The following DOCK5 variants were observed in gnomAD, a reference collection of about 807,000 sequenced individuals.
DOCK5 encodes the protein dedicator of cytokinesis protein 5.
Under a neutral mutation model 251.8 loss-of-function variants are expected in DOCK5, and 142 were observed. The observed-to-expected ratio is 0.56, with a 90% CI of 0.49 to 0.65. DOCK5 has a LOEUF of 0.65. Among genes scored for constraint, DOCK5 ranks in the 30% least tolerant of loss-of-function variants. DOCK5 has a pLI of 0.00. For missense variants in DOCK5, 2,111 were observed against 2,312.3 expected (o/e 0.91, Z 1.79); for synonymous variants, 842 against 835.5 (o/e 1.01, Z -0.13).
chr8:25,411,363 C>A lies in DOCK5; in HGVS notation c.*65C>A. The A allele has an allele frequency of 7.3e-7, 1 of 1,366,426 alleles. No homozygotes were observed. The highest frequency in any genetic ancestry group is 1.9e-5 in the South Asian group (1 of 53,232). The allele number at this position is 1,366,426 out of a possible 1,614,324, so 84.6% of individuals were successfully genotyped here. A position where few individuals can be genotyped will look rare whatever the true frequency, so the allele number is the denominator to read the frequency against. ...CTGCTGCCTGAGAACTGGCCTCCAG[C>A]CGGTGTCCTCATTCCATGGGGCTCC... On this transcript the variant is annotated 3_prime_UTR_variant, in exon 52 of 52. Coordinates refer to ENST00000276440, the MANE Select transcript of DOCK5 (RefSeq NM_024940.8).
rs755511798 is a variant in DOCK5 at position 25,190,775 on chromosome 8, G to GATTTTTTTTTTTTTTTTTTTT, written c.43+5824_43+5825insATTTTTTTTTTTTTTTTTTTT. 3.7e-5 allele frequency among the ~76,000 whole-genome samples: 2 copies of GATTTTTTTTTTTTTTTTTTTT among 53,980 alleles called. 1 individual carries two copies. The highest frequency in any genetic ancestry group is 1.3e-4 in the African/African-American group (2 of 14,866). 35.4% of individuals were successfully genotyped at this position (53,980 alleles called of 152,430 possible). A position where few individuals can be genotyped will look rare whatever the true frequency, so the allele number is the denominator to read the frequency against. ...AAGGCCTGGCCTTAACTTGGTCATG[G>GATTTTTTTTTTTTTTTTTTTT]GTTTTTTTTTTTTTTTTTTTTTTTT... On this transcript the variant is annotated intron_variant, in intron 1 of 51. Transcript: ENST00000276440.
At chr8:25,334,271 C>A in intron 21 of DOCK5, 75 bp downstream of exon 21, 1 of 1,175,810 alleles carries the variant, frequency 8.5e-7, no homozygotes, top group Non-Finnish European at 1.3e-6. Flanking sequence ...TGTTGAGAAA[C>A]GAGACGGACC....
chr8:25,265,789 G>C (rs1252545841), intron 2 of DOCK5, among the ~76,000 whole-genome samples: 1 of 151,888 alleles, frequency 6.6e-6, no homozygotes, highest in Non-Finnish European at 1.5e-5. Flanking sequence ...AGAGACATTT[G>C]GATAGGTGAA....
In DOCK5 at chr8:25,247,950, A is replaced by ACATTTTTGCTGCGTC. The variant is rs563337122; in HGVS notation, c.127+4194_127+4208dup. On this transcript the variant is annotated intron_variant, in intron 2 of 51. Coordinates refer to ENST00000276440, the MANE Select transcript of DOCK5 (RefSeq NM_024940.8). ...ACCGCTCTTCTTAACTGCTACCATA[A>ACATTTTTGCTGCGTC]CATTTTTGCTGCGTCAGCCGTAGAA... is the stretch of plus-strand genomic sequence containing the variant. Among the ~76,000 whole-genome samples, 339 of 152,208 alleles carry ACATTTTTGCTGCGTC rather than the reference A, an allele frequency of 2.2e-3. 1 individual carries two copies. The highest frequency in any genetic ancestry group is 6.8e-3 in the Middle Eastern group (2 of 294).
At chr8:25,335,426 A>G (rs541842455) in intron 21 of DOCK5, among the ~76,000 whole-genome samples, 3 of 152,102 alleles carry the variant, frequency 2.0e-5, no homozygotes, top group African/African-American at 7.2e-5. Context: ...CGAGTGCTTG[A>G]ACCCAGGAGG....
chr8:25,247,968 C>T (rs1038548389), intron 2 of DOCK5, among the ~76,000 whole-genome samples: 5 of 151,804 alleles, frequency 3.3e-5, no homozygotes, highest in Non-Finnish European at 7.4e-5. Flanking sequence ...GCTGCGTCAG[C>T]CGTAGAACTT....
intron 22 of DOCK5, 70 bp downstream of exon 22, chr8:25,336,443 C>T: frequency 6.4e-7 from 1 of 1,570,846 alleles, no homozygotes. Flanking sequence ...CCTCACTCTG[C>T]ACAGTGGTGT....
chr8:25,231,898 A>G (rs892356226), intron 1 of DOCK5, among the ~76,000 whole-genome samples: 2 of 152,140 alleles, frequency 1.3e-5, no homozygotes, highest in Admixed American at 6.6e-5. Context: ...TGTCTTTTCT[A>G]TATCTATTAA....
chr8:25,197,697 C>T lies in DOCK5; in HGVS notation c.43+12746C>T, dbSNP rs1347529366. On this transcript the variant is annotated intron_variant, in intron 1 of 51. Transcript: ENST00000276440. The stretch of plus-strand genomic sequence containing the variant: ...CTCCTGGGTTCAAGAGATTCTCCTG[C>T]CTCAGCCACCCAAGTAGCTGGGACT... 4.7e-5 allele frequency among the ~76,000 whole-genome samples: 7 copies of T among 149,914 alleles called. No homozygotes were observed. The Admixed American group carries it at 4.7e-4, about 10-fold the overall frequency.
chr8:25,288,670 C>A (rs1480704736), intron 5 of DOCK5, among the ~76,000 whole-genome samples: 2 of 152,090 alleles, frequency 1.3e-5, no homozygotes, highest in African/African-American at 2.4e-5. Flanking sequence ...AAATGCGTTG[C>A]AAGAAAGAAA....
intron 14 of DOCK5, among the ~76,000 whole-genome samples, chr8:25,318,476 C>T (rs942097837): frequency 6.7e-6 from 1 of 148,980 alleles, no homozygotes; most frequent in Non-Finnish European, 1.5e-5. Context: ...TCTCTCCTCT[C>T]CACTCCCCTC....
chr8:25,186,991 G>A (rs73556366), intron 1 of DOCK5, among the ~76,000 whole-genome samples: 13,709 of 151,672 alleles, frequency 0.09, 1,030 homozygotes, highest in African/African-American at 0.19. Flanking sequence ...CTTGAGCCCA[G>A]GAGTTCAAAA....
intron 27 of DOCK5, among the ~76,000 whole-genome samples, chr8:25,355,559 C>T (rs1800552518): frequency 6.6e-6 from 1 of 152,192 alleles, no homozygotes; most frequent in South Asian, 2.1e-4. Flanking sequence ...AAGTGATTGT[C>T]CTACCTCAGC....
intron 40 of DOCK5, among the ~76,000 whole-genome samples, chr8:25,387,497 T>C (rs1207676944): frequency 6.6e-6 from 1 of 152,204 alleles, no homozygotes; most frequent in Non-Finnish European, 1.5e-5. Flanking sequence ...TGTCTCTCCT[T>C]CTGTTACTTT....
At chr8:25,378,295 T>A (rs1174675456) in intron 38 of DOCK5, among the ~76,000 whole-genome samples, 1 of 152,154 alleles carries the variant, frequency 6.6e-6, no homozygotes, top group East Asian at 1.9e-4. Context: ...AAGACACTCT[T>A]ATTATTTGAG....
Position 25,243,644 on chromosome 8 carries a change from T to A in DOCK5, c.44-30T>A, listed in dbSNP as rs1803016740. On this transcript the variant is annotated intron_variant, in intron 1 of 51. Coordinates refer to ENST00000276440, the MANE Select transcript of DOCK5 (RefSeq NM_024940.8). ...GTGCCCAGCCAAGTGACATGCATTC[T>A]AATTTCCCTTTTTTATTTCTCATTT... 4 of 1,603,612 alleles carry A rather than the reference T, an allele frequency of 2.5e-6. No homozygotes were observed. In the East Asian group the frequency reaches 9.0e-5, roughly 36 times the overall value.
chr8:25,255,066 A>G (rs913974474), intron 2 of DOCK5, among the ~76,000 whole-genome samples: 3 of 152,220 alleles, frequency 2.0e-5, no homozygotes, highest in African/African-American at 7.2e-5. Context: ...AATGCTGCCA[A>G]GGATGTGGAG....
At chr8:25,241,747 C>A (rs537571044) in intron 1 of DOCK5, among the ~76,000 whole-genome samples, 1 of 152,254 alleles carries the variant, frequency 6.6e-6, no homozygotes, top group African/African-American at 2.4e-5. Context: ...GACTTGGAAC[C>A]AACCCAACTA....
At chr8:25,256,825 A>G (rs1055407155) in intron 2 of DOCK5, among the ~76,000 whole-genome samples, 6 of 150,526 alleles carry the variant, frequency 4.0e-5, no homozygotes, top group African/African-American at 1.5e-4. Flanking sequence ...ACTCAGTGCC[A>G]TGTTTCTCGA....
Sources: gnomAD v4.1 joint callset for allele counts (sites outside exome capture counted in the v4.1 genomes callset) on GRCh38, gnomAD v4.1.1 for gene constraint, MANE v1.5 for transcripts, NCBI Gene and HGNC (gene_info 2026-07-23, HGNC 2026-07-21) for gene names.